GOLGB1: variants seen among roughly 807,000 people sequenced by gnomAD.
GOLGB1 encodes golgin subfamily B member 1.
GOLGB1 carries 174 observed loss-of-function variants against 336.9 expected under a neutral mutation model. The observed-to-expected ratio is 0.52, with a 90% CI of 0.46 to 0.59. The LOEUF is 0.59. Among genes scored for constraint, GOLGB1 ranks in the 20% least tolerant of loss-of-function variants. The pLI is 0.00. For missense variants in GOLGB1, 3,331 were observed against 3,645.3 expected (o/e 0.91, Z 2.22); for synonymous variants, 1,208 against 1,289.2 (o/e 0.94, Z 1.35).
rs187390633 is a variant in GOLGB1 at position 121,690,658 on chromosome 3, C to T, written c.8694+12G>A. On this transcript the variant is annotated intron_variant, in intron 14 of 21. Transcript: ENST00000614479. ...TCTTAAACAGATCAGAAAGAAAGAA[C>T]TAGCTACTCACTAGTCTGTCTCTGT... 4 of 1,340,790 alleles carry T rather than the reference C, an allele frequency of 3.0e-6. No individual in the cohort carries two copies. The African/African-American group carries it at 4.4e-5, about 15-fold the overall frequency. The allele number at this position is 1,340,790 out of a possible 1,614,324, so 83.1% of individuals were successfully genotyped here.
intron 9 of GOLGB1, 23 bp downstream of exon 9, chr3:121,716,714 T>G (rs995710619): frequency 6.3e-7 from 1 of 1,576,544 alleles, no homozygotes; most frequent in Non-Finnish European, 8.6e-7. Flanking sequence ...AGATGTGGAC[T>G]TCAAAAGCAA....
intron 15 of GOLGB1, among the ~76,000 whole-genome samples, chr3:121,679,946 T>C (rs1016766449): frequency 6.6e-6 from 1 of 152,200 alleles, no homozygotes; most frequent in African/African-American, 2.4e-5. Flanking sequence ...CTTTGAGTAC[T>C]ACCCAGTGGT....
Position 121,691,885 on chromosome 3 carries a change from G to C in GOLGB1, c.7479C>G (p.Leu2493=). 6.2e-7 allele frequency: 1 copy of C among 1,613,758 alleles called. No individual in the cohort carries two copies. Residue 2493 remains leucine (L), a synonymous_variant, in exon 14 of 22, where the codon CTC becomes CTG. Coordinates refer to ENST00000614479, the MANE Select transcript of GOLGB1 (RefSeq NM_001366282.2). ...GDYQQLEERH[L]SIILEKDQLI... is the part of the protein sequence containing the mutation. Reference sequence around the variant, plus strand: ...GTTGGTCTTTTTCCAAGATTATAGAGAGATGTCGCTCTTCCAGCTGTTGAT... The same window carrying C: ...GTTGGTCTTTTTCCAAGATTATAGACAGATGTCGCTCTTCCAGCTGTTGAT...
chr3:121,743,716 C>T (rs2108419777), intron 1 of GOLGB1, among the ~76,000 whole-genome samples: 1 of 152,126 alleles, frequency 6.6e-6, no homozygotes, highest in South Asian at 2.1e-4. Context: ...TGCTAAAACA[C>T]CAGAAATAGT....
In GOLGB1 at chr3:121,695,415, C is replaced by T. The variant is rs762815388; in HGVS notation, c.5108G>A (p.Arg1703Gln). ...TGCAGGGTGCACCTCTGCCCTAAGC[C>T]GGTCATTCTCTTCTTCCAGCTCTAG... The part of the protein sequence containing the change: ...KILELEEEND[R>Q]LRAEVHPAGD... The change falls in exon 13 of 22, where the codon CGG becomes CAG. Residue 1703 changes from arginine to glutamine, a missense_variant. Physicochemically the swap from Arg to Gln is conservative, Grantham distance 43. Transcript: ENST00000614479. 5.6e-6 allele frequency: 9 copies of T among 1,613,886 alleles called. No individual in the cohort carries two copies. Among genetic ancestry groups the T allele is most frequent in the South Asian group, 2.2e-5 (2 of 91,078 alleles).
chr3:121,722,327 T>C lies in GOLGB1; in HGVS notation c.583A>G (p.Lys195Glu), dbSNP rs1945256435. 6.2e-7 allele frequency: 1 copy of C among 1,612,808 alleles called. No homozygotes were observed. Among genetic ancestry groups the C allele is most frequent in the Non-Finnish European group, 8.5e-7 (1 of 1,178,972 alleles). Residue 195 changes from lysine (K) to glutamate (E), a missense_variant, in exon 6 of 22, where the codon AAG becomes GAG. By Grantham distance (56) the Lys-to-Glu change is moderately conservative (BLOSUM62 1). Coordinates refer to ENST00000614479, the MANE Select transcript of GOLGB1 (RefSeq NM_001366282.2). The stretch of plus-strand genomic sequence containing the variant: ...TGTAAAGTGCTAATGAATTCTTCCT[T>C]CTCCTGGAGCTGTTGCTTCATCATT... ...FVMMKQQLQE[K>E]EEFISTLQAQ...
intron 7 of GOLGB1, among the ~76,000 whole-genome samples, 183 bp from the exon 8 acceptor site, chr3:121,718,684 G>T (rs1944961570): frequency 6.6e-6 from 1 of 152,126 alleles, no homozygotes; most frequent in South Asian, 2.1e-4. Context: ...TCTCCAAAAT[G>T]TCTTCTCCAG....
At chr3:121,700,179 C>T (rs927654949) in intron 11 of GOLGB1, among the ~76,000 whole-genome samples, 4 of 152,010 alleles carry the variant, frequency 2.6e-5, no homozygotes, top group Non-Finnish European at 4.4e-5. Context: ...ATTTCTGTGG[C>T]ATAATCTGGA....
chr3:121,725,055 CA>C (rs1304434177), intron 5 of GOLGB1, among the ~76,000 whole-genome samples: 3 of 152,268 alleles, frequency 2.0e-5, no homozygotes, highest in East Asian at 3.9e-4. Context: ...CATCAATAGC[CA>C]GGGGGCTCAG....
Position 121,670,758 on chromosome 3 carries a change from G to T in GOLGB1, c.9178-1403C>A, listed in dbSNP as rs568171546. On this transcript the variant is annotated intron_variant, in intron 17 of 21. Coordinates refer to ENST00000614479, the MANE Select transcript of GOLGB1 (RefSeq NM_001366282.2). Reference sequence around the variant, plus strand: ...AGAAAATCATAGGGTTTTCTTTTGGGGGGGGGGGTGTGGGAGGAGGTGGGA... The same window carrying T: ...AGAAAATCATAGGGTTTTCTTTTGGTGGGGGGGGTGTGGGAGGAGGTGGGA... 3.3e-5 allele frequency among the ~76,000 whole-genome samples: 5 copies of T among 149,330 alleles called. 1 individual carries two copies. Among genetic ancestry groups the T allele is most frequent in the South Asian group, 2.2e-4 (1 of 4,624 alleles).
chr3:121,692,355 T>C lies in GOLGB1; in HGVS notation c.7009A>G (p.Lys2337Glu). 4 of 1,604,958 alleles carry C rather than the reference T, an allele frequency of 2.5e-6. No individual in the cohort carries two copies. The highest frequency in any genetic ancestry group is 3.4e-6 in the Non-Finnish European group (4 of 1,177,620). The part of the protein sequence containing the change: ...TDLSNSLEKC[K>E]EQKGNLEGII... ...CCTTCCAAGTTTCCTTTTTGTTCCTTACATTTTTCTAAAGAGTTACTTAAA... is the reference window on the plus strand; with the variant it reads ...CCTTCCAAGTTTCCTTTTTGTTCCTCACATTTTTCTAAAGAGTTACTTAAA... Residue 2337 changes from lysine to glutamate, a missense_variant, in exon 14 of 22, where the codon AAG (lysine) becomes GAG (glutamate). Coordinates refer to ENST00000614479, the MANE Select transcript of GOLGB1 (RefSeq NM_001366282.2).
chr3:121,719,653 ATC>A lies in GOLGB1; in HGVS notation c.762_763del (p.Glu254AspfsTer13), dbSNP rs1482390360. ...CGAGTTTTAGCAACACACCTGTTGC[ATC>A]TCTGTTTCCACATCTGCCTGGGTTA... is the stretch of plus-strand genomic sequence containing the variant. On this transcript the variant is annotated frameshift_variant, in exon 7 of 22. Coordinates refer to ENST00000614479, the MANE Select transcript of GOLGB1 (RefSeq NM_001366282.2). LOFTEE classifies it high-confidence loss of function. 1 of 1,606,970 alleles carries A rather than the reference ATC, an allele frequency of 6.2e-7. No homozygotes were observed. The highest frequency in any genetic ancestry group is 8.5e-7 in the Non-Finnish European group (1 of 1,176,802).
At position 121,690,691 on chromosome 3, in the gene GOLGB1, G is replaced by A. The variant is rs1171324325; in HGVS notation, c.8673C>T (p.Leu2891=). 1.3e-6 allele frequency: 2 copies of A among 1,511,072 alleles called. No homozygotes were observed. Among genetic ancestry groups the A allele is most frequent in the African/African-American group, 1.4e-5 (1 of 71,562 alleles). 93.6% of individuals were successfully genotyped at this position (1,511,072 alleles called of 1,614,324 possible). The change falls in exon 14 of 22, where the codon CTC becomes CTT. Residue 2891 remains leucine, a synonymous_variant. Transcript: ENST00000614479. ...TCACTAGTCTGTCTCTGTCATTTTG[G>A]AGTGAAGACATAGCTTTTTTTAAAC... is the stretch of plus-strand genomic sequence containing the variant. ...VQSLKKAMSS[L]QNDRDRLLKE... is the part of the protein sequence containing the mutation.
intron 1 of GOLGB1, among the ~76,000 whole-genome samples, chr3:121,744,833 T>C (rs1189552202): frequency 6.6e-6 from 1 of 152,020 alleles, no homozygotes; most frequent in Non-Finnish European, 1.5e-5. Context: ...GATTCAACAG[T>C]CTCAGAGATC....
chr3:121,680,571 TG>T (rs1202965567), intron 15 of GOLGB1, among the ~76,000 whole-genome samples: 1 of 152,084 alleles, frequency 6.6e-6, no homozygotes, highest in African/African-American at 2.4e-5. Context: ...GCTAACTCAC[TG>T]GGTGCCATAG....
In GOLGB1 at chr3:121,667,459, T is replaced by A; in HGVS notation, c.9554+17A>T. On this transcript the variant is annotated intron_variant, in intron 20 of 21. Coordinates refer to ENST00000614479, the MANE Select transcript of GOLGB1 (RefSeq NM_001366282.2). ...AAGGATCGGAAGGGAACAGAGGCTA[T>A]CTCCTTCAGCCTTTACCGTCTGATC... 6.2e-7 allele frequency: 1 copy of A among 1,611,236 alleles called. No individual in the cohort carries two copies.
At chr3:121,700,479 C>A (rs192303255) in intron 11 of GOLGB1, among the ~76,000 whole-genome samples, 129 of 152,068 alleles carry the variant, frequency 8.5e-4, no homozygotes, top group Non-Finnish European at 1.4e-3. Context: ...TATCAATATC[C>A]TCAAGAAGCT....
At chr3:121,748,485 A>T (rs932032543) in intron 1 of GOLGB1, among the ~76,000 whole-genome samples, 1 of 152,220 alleles carries the variant, frequency 6.6e-6, no homozygotes, top group African/African-American at 2.4e-5. Flanking sequence ...TGGTCAAGGG[A>T]TGAGAAGTAA....
chr3:121,695,055 G>A lies in GOLGB1; in HGVS notation c.5468C>T (p.Ala1823Val), dbSNP rs1159057068. The A allele has an allele frequency of 8.1e-6, 13 of 1,614,020 alleles. No homozygotes were observed. The highest frequency in any genetic ancestry group is 1.6e-4 in the Middle Eastern group (1 of 6,062). The change falls in exon 13 of 22, where the codon GCG (alanine) becomes GTG (valine). Residue 1823 changes from alanine (A) to valine (V), a missense_variant. Physicochemically the swap from Ala to Val is moderately conservative, Grantham distance 64 (BLOSUM62 0). Transcript: ENST00000614479. The part of the protein sequence containing the change: ...RPTCSESVPS[A>V]KSANPAVSKD... ...ACTTACAGCAGGGTTGGCACTCTTC[G>A]CTGATGGAACCGATTCTGAACATGT...
Sources: allele counts gnomAD v4.1 joint callset (sites outside exome capture counted in the v4.1 genomes callset), GRCh38; gene constraint gnomAD v4.1.1; transcripts MANE v1.5; gene names NCBI Gene and HGNC (gene_info 2026-07-23, HGNC 2026-07-21).